Variants in METTL4 observed in about 807,000 individuals in gnomAD.
METTL4 encodes the protein methyltransferase 4, N6-adenosine, also known as N(6)-adenine-specific methyltransferase METTL4.
A neutral mutation model predicts 54.0 loss-of-function variants in METTL4; 40 were observed. The observed-to-expected ratio is 0.74, with a 90% CI of 0.58 to 0.96. The LOEUF is 0.96. METTL4 is among the 50% of genes least tolerant of loss of function. METTL4 has a pLI of 0.00. For missense variants in METTL4, 525 were observed against 549.0 expected (o/e 0.96, Z 0.44); for synonymous variants, 169 against 183.8 (o/e 0.92, Z 0.65).
chr18:2,541,282 C>A (rs1244202721), intron 8 of METTL4, among the ~76,000 whole-genome samples: 1 of 152,102 alleles, frequency 6.6e-6, no homozygotes, highest in African/African-American at 2.4e-5. Flanking sequence ...GAGTATGACA[C>A]ATAAACTTCA....
At chr18:2,553,612 G>T (rs1199505780) in intron 4 of METTL4, 1 of 152,076 alleles carries the variant, frequency 6.6e-6, no homozygotes, top group Non-Finnish European at 1.5e-5. Flanking sequence ...AATTATTATG[G>T]TGTTTGTCAG....
intron 5 of METTL4, among the ~76,000 whole-genome samples, chr18:2,550,887 G>A (rs189473237): frequency 7.7e-4 from 117 of 152,194 alleles, no homozygotes; most frequent in African/African-American, 2.5e-3. Flanking sequence ...TATATCAGCC[G>A]GGCGCGGTGG....
intron 5 of METTL4, among the ~76,000 whole-genome samples, chr18:2,551,062 G>A (rs543870597): frequency 1.3e-5 from 2 of 150,430 alleles, no homozygotes; most frequent in Non-Finnish European, 3.0e-5. Flanking sequence ...TACTCGGGAG[G>A]CTGAGGCAGG....
rs1253805019 is a variant in METTL4, at chr18:2,554,554, G to GT, written c.829+114dup. The stretch of plus-strand genomic sequence containing the variant: ...TAAGAGACAAATAACCCAAGGAAAA[G>GT]TGTCTACCCTATCCTCATAAATGCT... On this transcript the variant is annotated intron_variant, in intron 4 of 8. Transcript: ENST00000574538. The GT allele has an allele frequency of 1.6e-4, 143 of 913,464 alleles. No individual in the cohort carries two copies. The African/African-American group carries it at 2.2e-3, about 14-fold the overall frequency. The allele number at this position is 913,464 out of a possible 1,614,324, so 56.6% of individuals were successfully genotyped here.
At chr18:2,541,915 A>G (rs1245138206) in intron 8 of METTL4, among the ~76,000 whole-genome samples, 1 of 152,198 alleles carries the variant, frequency 6.6e-6, no homozygotes, top group East Asian at 1.9e-4. Context: ...AATATACTGC[A>G]GAAATCTGAG....
chr18:2,560,195 A>T (rs187483277), intron 3 of METTL4, among the ~76,000 whole-genome samples: 6 of 152,312 alleles, frequency 3.9e-5, no homozygotes, highest in Admixed American at 2.6e-4. Context: ...AACGTACATG[A>T]TGTTGCTAAA....
Position 2,552,575 on chromosome 18 carries a change from G to A in METTL4, c.899+120C>T, listed in dbSNP as rs2072178435. On this transcript the variant is annotated intron_variant, in intron 5 of 8. Coordinates refer to ENST00000574538, the MANE Select transcript of METTL4 (RefSeq NM_022840.5). ...AGGAAATTAAGCTGTTAAAACTATT[G>A]AAAGCATTTTAGTAGTTTCAGATAA... 4 of 674,452 alleles carry A rather than the reference G, an allele frequency of 5.9e-6. No individual in the cohort carries two copies. The South Asian group carries it at 7.3e-5, about 12-fold the overall frequency. 41.8% of individuals were successfully genotyped at this position (674,452 alleles called of 1,614,324 possible).
intron 3 of METTL4, among the ~76,000 whole-genome samples, chr18:2,559,665 A>G (rs2072287685): frequency 6.6e-6 from 1 of 152,264 alleles, no homozygotes; most frequent in Non-Finnish European, 1.5e-5. Flanking sequence ...CAGACATTAA[A>G]AGAAAGCATA....
intron 3 of METTL4, among the ~76,000 whole-genome samples, chr18:2,558,035 C>A (rs751064355): frequency 1.3e-5 from 2 of 152,178 alleles, no homozygotes; most frequent in African/African-American, 2.4e-5. Flanking sequence ...TCTAAAGACA[C>A]AGAAGTTCTG....
intron 8 of METTL4, among the ~76,000 whole-genome samples, chr18:2,543,210 T>C (rs1174533084): frequency 6.6e-6 from 1 of 152,046 alleles, no homozygotes; most frequent in Non-Finnish European, 1.5e-5. Context: ...TCTCTAGGAA[T>C]TTGTATTCAC....
At chr18:2,539,188 A>T in intron 8 of METTL4, 43 bp from the exon 9 acceptor site, 1 of 1,495,848 alleles carries the variant, frequency 6.7e-7, no homozygotes, top group Non-Finnish European at 9.3e-7. Flanking sequence ...TTATTGAGGA[A>T]GGAATCCACT....
chr18:2,544,867 A>G (rs1402175217), intron 6 of METTL4, 108 bp from the exon 7 acceptor site: 1 of 623,886 alleles, frequency 1.6e-6, no homozygotes, highest in African/African-American at 1.9e-5. Flanking sequence ...TTCAGTAAAA[A>G]TACTATGTGA....
intron 4 of METTL4, 108 bp downstream of exon 4, chr18:2,554,561 C>T: frequency 1.0e-6 from 1 of 984,328 alleles, no homozygotes; most frequent in East Asian, 2.4e-5. Context: ...AAAGTGTCTA[C>T]CCTATCCTCA....
At chr18:2,565,103 C>G (rs1021307452) in intron 2 of METTL4, among the ~76,000 whole-genome samples, 1 of 152,048 alleles carries the variant, frequency 6.6e-6, no homozygotes. Flanking sequence ...GCTTGGCCAA[C>G]AAGGTGTCTA....
intron 5 of METTL4, 147 bp downstream of exon 5, chr18:2,552,548 T>G: frequency 1.6e-6 from 1 of 608,780 alleles, no homozygotes. Context: ...ATTAACTAGT[T>G]AAGGAAATTA....
At chr18:2,546,806 T>C (rs1258794053) in intron 6 of METTL4, among the ~76,000 whole-genome samples, 1 of 152,120 alleles carries the variant, frequency 6.6e-6, no homozygotes, top group African/African-American at 2.4e-5. Flanking sequence ...GTCCAAATCA[T>C]TTCTTTCAAA....
At position 2,538,242 on chromosome 18, in the gene METTL4, A is replaced by G. The variant is rs539435777; in HGVS notation, c.*758T>C. 4.0e-6 allele frequency: 1 copy of G among 249,768 alleles called. No homozygotes were observed. The highest frequency in any genetic ancestry group is 7.5e-6 in the Non-Finnish European group (1 of 133,354). 15.5% of individuals were successfully genotyped at this position (249,768 alleles called of 1,614,324 possible). ...TGTTTATTATAAGGAATAGCTTTTC[A>G]TTTTCTTCTAGAAAAACAAGCAAAA... On this transcript the variant is annotated 3_prime_UTR_variant, in exon 9 of 9. Transcript: ENST00000574538.
At chr18:2,560,616 G>C (rs192555525) in intron 3 of METTL4, among the ~76,000 whole-genome samples, 3 of 152,132 alleles carry the variant, frequency 2.0e-5, no homozygotes, top group Non-Finnish European at 4.4e-5. Flanking sequence ...AGTGGCTCAC[G>C]CCTATAATTC....
intron 5 of METTL4, among the ~76,000 whole-genome samples, chr18:2,548,357 C>T (rs1387964328): frequency 9.7e-6 from 1 of 102,866 alleles, no homozygotes; most frequent in East Asian, 2.9e-4. Context: ...TAGGCTATAA[C>T]TCATCCACCT....
Sources: allele counts gnomAD v4.1 joint callset (sites outside exome capture counted in the v4.1 genomes callset), GRCh38; gene constraint gnomAD v4.1.1; transcripts MANE v1.5; gene names NCBI Gene and HGNC (gene_info 2026-07-23, HGNC 2026-07-21).